MIPOL1: variants seen among roughly 807,000 people sequenced by gnomAD.
The protein encoded by MIPOL1 is mirror-image polydactyly gene 1 protein.
A neutral mutation model predicts 60.9 loss-of-function variants in MIPOL1; 57 were observed. The observed-to-expected ratio is 0.94, with a 90% CI of 0.76 to 1.17. The LOEUF (loss-of-function observed/expected upper bound fraction) is 1.17, where lower values mean the gene tolerates loss of function less well. MIPOL1 is among the 50% of genes most tolerant of loss of function. The pLI is 0.00. For synonymous variants in MIPOL1, 179 were observed against 168.8 expected, an observed-to-expected ratio of 1.06 and a Z score of -0.47; for missense variants, 551 against 511.6, an observed-to-expected ratio of 1.08 and a Z score of -0.74.
At chr14:37,394,074 ATATATATATATC>A (rs1469210939) in intron 10 of MIPOL1, among the ~76,000 whole-genome samples, 4 of 135,702 alleles carry the variant, frequency 2.9e-5, no homozygotes, top group Non-Finnish European at 6.3e-5. Flanking sequence ...ATATATATAT[ATATATATATATC>A]TCCATGTTCT....
intron 12 of MIPOL1, among the ~76,000 whole-genome samples, chr14:37,531,971 T>C (rs980714348): frequency 3.3e-5 from 5 of 152,152 alleles, no homozygotes. Flanking sequence ...ATTACCCATC[T>C]GTTCAAAAGG....
At chr14:37,275,342 A>G (rs1256392232) in intron 6 of MIPOL1, among the ~76,000 whole-genome samples, 1 of 151,226 alleles carries the variant, frequency 6.6e-6, no homozygotes, top group Non-Finnish European at 1.5e-5. Flanking sequence ...AGAGAAGCAG[A>G]GGAGAAACAT....
chr14:37,406,077 A>C (rs1466895076), intron 10 of MIPOL1, among the ~76,000 whole-genome samples: 1 of 152,142 alleles, frequency 6.6e-6, no homozygotes, highest in African/African-American at 2.4e-5. Context: ...AAATTTTAGA[A>C]TAATTTTATG....
At chr14:37,453,179 A>G (rs2094441244) in intron 11 of MIPOL1, among the ~76,000 whole-genome samples, 1 of 152,164 alleles carries the variant, frequency 6.6e-6, no homozygotes, top group Non-Finnish European at 1.5e-5. Context: ...GGCATATGAT[A>G]GGCCGTTATA....
chr14:37,200,560 T>G (rs1965071106), intron 1 of MIPOL1, among the ~76,000 whole-genome samples: 1 of 152,170 alleles, frequency 6.6e-6, no homozygotes, highest in South Asian at 2.1e-4. Flanking sequence ...TCTGATTGAT[T>G]AAACTCAAGT....
intron 10 of MIPOL1, among the ~76,000 whole-genome samples, chr14:37,376,781 G>A (rs2180253): frequency 0.97 from 147,455 of 152,206 alleles, 71,500 homozygotes; most frequent in East Asian, 1. Context: ...GGTGTTTTCA[G>A]CTCATTTGAG....
chr14:37,320,911 G>A (rs1346310843), intron 9 of MIPOL1, among the ~76,000 whole-genome samples: 1 of 151,988 alleles, frequency 6.6e-6, no homozygotes, highest in Non-Finnish European at 1.5e-5. Flanking sequence ...TTAGGTTATT[G>A]TGTGGATCTG....
chr14:37,230,629 T>A (rs915257854), intron 1 of MIPOL1, among the ~76,000 whole-genome samples: 1 of 152,192 alleles, frequency 6.6e-6, no homozygotes. Context: ...AAATGAGAAA[T>A]TTTGGTCAGA....
intron 11 of MIPOL1, among the ~76,000 whole-genome samples, chr14:37,484,712 T>C (rs1333518176): frequency 6.6e-6 from 1 of 152,132 alleles, no homozygotes; most frequent in Non-Finnish European, 1.5e-5. Context: ...GTTATTCATA[T>C]TGAATCATTT....
At chr14:37,316,824 A>C (rs536198014) in intron 9 of MIPOL1, among the ~76,000 whole-genome samples, 1 of 152,052 alleles carries the variant, frequency 6.6e-6, no homozygotes. Context: ...TAAAAAATAC[A>C]AAAATTAGCT....
intron 11 of MIPOL1, among the ~76,000 whole-genome samples, chr14:37,480,044 T>TA (rs894154764): frequency 5.7e-4 from 86 of 151,742 alleles, no homozygotes; most frequent in African/African-American, 1.8e-3. Flanking sequence ...AAATCAGAAA[T>TA]AAAAAAAATT....
chr14:37,353,228 A>C (rs1267024221), intron 9 of MIPOL1, among the ~76,000 whole-genome samples: 1 of 144,978 alleles, frequency 6.9e-6, no homozygotes, highest in East Asian at 2.0e-4. Flanking sequence ...GTGTATATTG[A>C]ACCAGCCTTG....
intron 9 of MIPOL1, among the ~76,000 whole-genome samples, chr14:37,310,139 C>G (rs1238462139): frequency 6.6e-6 from 1 of 152,056 alleles, no homozygotes; most frequent in Non-Finnish European, 1.5e-5. Flanking sequence ...CCTCATTTCT[C>G]TTTGCCCTCT....
At chr14:37,257,348 G>C (rs1655993875) in intron 3 of MIPOL1, among the ~76,000 whole-genome samples, 2 of 151,922 alleles carry the variant, frequency 1.3e-5, no homozygotes, top group South Asian at 4.1e-4. Context: ...TTGAGCTACT[G>C]CTTAAACACT....
chr14:37,468,307 G>T (rs904383860), intron 11 of MIPOL1, among the ~76,000 whole-genome samples: 3 of 152,026 alleles, frequency 2.0e-5, no homozygotes, highest in Non-Finnish European at 2.9e-5. Flanking sequence ...CTTCTTTTCA[G>T]CATTCCAGGA....
intron 12 of MIPOL1, among the ~76,000 whole-genome samples, chr14:37,525,093 AC>A (rs1566774480): frequency 6.6e-6 from 1 of 152,206 alleles, no homozygotes; most frequent in Non-Finnish European, 1.5e-5. Flanking sequence ...ATTTGAAGGT[AC>A]TTAGAGAATT....
intron 9 of MIPOL1, among the ~76,000 whole-genome samples, chr14:37,316,587 T>C (rs2087925171): frequency 3.1e-5 from 2 of 63,634 alleles, no homozygotes; most frequent in South Asian, 1.8e-3. Context: ...TATGGTATCT[T>C]GGGAGGTTTT....
At chr14:37,350,123 A>G (rs940084113) in intron 9 of MIPOL1, among the ~76,000 whole-genome samples, 8 of 152,180 alleles carry the variant, frequency 5.3e-5, no homozygotes, top group African/African-American at 1.7e-4. Context: ...CTAAGCTGGA[A>G]TGCCATGGCA....
At chr14:37,461,604 G>A (rs1412972420) in intron 11 of MIPOL1, among the ~76,000 whole-genome samples, 3 of 152,018 alleles carry the variant, frequency 2.0e-5, no homozygotes, top group Non-Finnish European at 4.4e-5. Flanking sequence ...CTTATGAGCT[G>A]GTAAAATCAA....
Sources: allele counts gnomAD v4.1 joint callset (sites outside exome capture counted in the v4.1 genomes callset), GRCh38; gene constraint gnomAD v4.1.1; transcripts MANE v1.5; gene names NCBI Gene and HGNC (gene_info 2026-07-23, HGNC 2026-07-21).